UBE2O: variants seen among roughly 807,000 people sequenced by gnomAD.
UBE2O encodes the protein (E3-independent) E2 ubiquitin-conjugating enzyme.
In UBE2O, 15 loss-of-function variants were observed where a neutral mutation model predicts 125.8. The observed-to-expected ratio is 0.12, with a 90% CI of 0.08 to 0.18. The LOEUF (loss-of-function observed/expected upper bound fraction) is 0.18. Among genes scored for constraint, UBE2O ranks in the 10% least tolerant of loss-of-function variants. The pLI is 1.00. For synonymous variants in UBE2O, 708 were observed against 703.2 expected (o/e 1.01, Z -0.11); for missense variants, 1,280 against 1,723.6 (o/e 0.74, Z 4.56).
chr17:76,416,035 ATGTG>A (rs142041683), intron 1 of UBE2O, among the ~76,000 whole-genome samples: 5 of 142,648 alleles, frequency 3.5e-5, no homozygotes, highest in African/African-American at 7.9e-5. Flanking sequence ...ACACGTATAT[ATGTG>A]TGTGTACATA....
At chr17:76,433,426 A>G (rs2072933991) in intron 1 of UBE2O, among the ~76,000 whole-genome samples, 1 of 148,870 alleles carries the variant, frequency 6.7e-6, no homozygotes, top group Non-Finnish European at 1.5e-5. Flanking sequence ...AGGAGTTGGG[A>G]GGGGTGCAGG....
rs536258136 is a variant in UBE2O at position 76,444,868 on chromosome 17, CAT to C, written c.417+7855_417+7856del. Among the ~76,000 whole-genome samples, 77 of 152,314 alleles carry C rather than the reference CAT, an allele frequency of 5.1e-4. No individual in the cohort carries two copies. The Middle Eastern group carries it at 0.01, about 20-fold the overall frequency. ...GAATACCGGGATGCTTTCAGCACTG[CAT>C]ATGTCAAGCCCTGAGGCTCCCAGAA... On this transcript the variant is annotated intron_variant, in intron 1 of 17. Coordinates refer to ENST00000319380, the MANE Select transcript of UBE2O (RefSeq NM_022066.4).
chr17:76,443,692 T>C (rs574248052), intron 1 of UBE2O, among the ~76,000 whole-genome samples: 35 of 152,064 alleles, frequency 2.3e-4, no homozygotes, highest in African/African-American at 7.0e-4. Context: ...AATGGAGCTA[T>C]CAAGTAAGCA....
chr17:76,416,102 C>T (rs143544280), intron 1 of UBE2O, among the ~76,000 whole-genome samples: 72 of 149,504 alleles, frequency 4.8e-4, no homozygotes, highest in Middle Eastern at 3.5e-3. Context: ...CATGTATATG[C>T]GTATGTGTAT....
intron 1 of UBE2O, among the ~76,000 whole-genome samples, chr17:76,424,794 G>A (rs1175767960): frequency 6.6e-6 from 1 of 151,728 alleles, no homozygotes; most frequent in African/African-American, 2.4e-5. Context: ...CTCCAGCCCG[G>A]GCAACAGAGC....
chr17:76,403,178 A>AAAGGGAGCAGGAAGGAGAAG (rs546709270), intron 3 of UBE2O, among the ~76,000 whole-genome samples: 1,540 of 152,276 alleles, frequency 0.01, 22 homozygotes, highest in Middle Eastern at 0.027. Flanking sequence ...TTACTAACAG[A>AAAGGGAGCAGGAAGGAGAAG]AAGGGAGCAG....
intron 1 of UBE2O, among the ~76,000 whole-genome samples, chr17:76,417,821 G>A (rs72860804): frequency 0.083 from 12,567 of 152,242 alleles, 713 homozygotes; most frequent in Non-Finnish European, 0.12. Context: ...ATCAGCGTCC[G>A]CGAAGAGACG....
At chr17:76,436,256 T>C (rs991017261) in intron 1 of UBE2O, among the ~76,000 whole-genome samples, 5 of 152,008 alleles carry the variant, frequency 3.3e-5, no homozygotes, top group African/African-American at 1.2e-4. Flanking sequence ...CAAAAATTAA[T>C]TAATTTATTA....
chr17:76,411,712 G>T (rs2072519777), intron 1 of UBE2O, among the ~76,000 whole-genome samples: 1 of 152,104 alleles, frequency 6.6e-6, no homozygotes, highest in South Asian at 2.1e-4. Context: ...TTGAGACAGG[G>T]TCTCACTCTG....
intron 1 of UBE2O, among the ~76,000 whole-genome samples, chr17:76,416,047 A>C (rs1022284141): frequency 6.6e-6 from 1 of 151,924 alleles, no homozygotes; most frequent in African/African-American, 2.4e-5. Context: ...GTGTGTGTAC[A>C]TATGTACATA....
At chr17:76,435,399 G>A (rs1040543590) in intron 1 of UBE2O, among the ~76,000 whole-genome samples, 3 of 115,402 alleles carry the variant, frequency 2.6e-5, no homozygotes, top group Non-Finnish European at 5.3e-5. Flanking sequence ...TAAATATACA[G>A]ATACACACAC....
At chr17:76,406,649 C>T (rs2072423735) in intron 1 of UBE2O, among the ~76,000 whole-genome samples, 1 of 149,822 alleles carries the variant, frequency 6.7e-6, no homozygotes, top group African/African-American at 2.5e-5. Context: ...CCACCACCAA[C>T]CAGCAGTGCA....
Position 76,396,253 on chromosome 17 carries a change from T to A in UBE2O, c.2684A>T (p.Gln895Leu), listed in dbSNP as rs780325970. Residue 895 changes from glutamine to leucine, a missense_variant, in exon 14 of 18, where the codon CAG becomes CTG. By Grantham distance (113) the Gln-to-Leu change is moderately radical (BLOSUM62 -2). This residue lies in a region of UBE2O where 116 missense variants were observed against 154.8 expected (regional missense o/e 0.75). Coordinates refer to ENST00000319380, the MANE Select transcript of UBE2O (RefSeq NM_022066.4). The surrounding 1 kb of genome is among the most constrained non-coding windows in gnomAD (Gnocchi z 6.7). ...GGGCCACTCAGCCTTCACAGGTGAC[T>A]GCCCCTCGGGCTTGTCCTCCTTGCG... is the stretch of plus-strand genomic sequence containing the variant. Reference protein sequence around the residue: ...VERKEDKPEGQSPVKAEWPSE... With the variant: ...VERKEDKPEGLSPVKAEWPSE... The A allele has an allele frequency of 9.9e-6, 16 of 1,614,140 alleles. No homozygotes were observed. The highest frequency in any genetic ancestry group is 1.4e-5 in the Non-Finnish European group (16 of 1,180,060).
At position 76,399,385 on chromosome 17, in the gene UBE2O, G is replaced by A; in HGVS notation, c.1628+64C>T. The A allele has an allele frequency of 6.7e-7, 1 of 1,494,888 alleles. No homozygotes were observed. The highest frequency in any genetic ancestry group is 1.4e-5 in the African/African-American group (1 of 72,626). 92.6% of individuals were successfully genotyped at this position (1,494,888 alleles called of 1,614,324 possible). On this transcript the variant is annotated intron_variant, in intron 9 of 17. Transcript: ENST00000319380. The surrounding 1 kb of genome is among the most constrained non-coding windows in gnomAD (Gnocchi z 6.9). ...TGCGAGCGCAGGCACGCACACCGAG[G>A]GGACGCGCACTCTGCCTGGCTTCAC... is the stretch of plus-strand genomic sequence containing the variant.
chr17:76,448,390 C>T (rs2073182835), intron 1 of UBE2O, among the ~76,000 whole-genome samples: 1 of 152,170 alleles, frequency 6.6e-6, no homozygotes, highest in South Asian at 2.1e-4. Context: ...ACAAGTGAGA[C>T]AAACTTCACG....
At position 76,390,734 on chromosome 17, in the gene UBE2O, CCCG is replaced by C. The variant is rs2072093190; in HGVS notation, c.*206_*208del. 8.5e-6 allele frequency: 4 copies of C among 472,242 alleles called. No individual in the cohort carries two copies. In the South Asian group the frequency reaches 1.3e-4, roughly 15 times the overall value. The allele number at this position is 472,242 out of a possible 1,614,324, so 29.3% of individuals were successfully genotyped here. On this transcript the variant is annotated 3_prime_UTR_variant, in exon 18 of 18. Transcript: ENST00000319380. ...TTCCGATTTTCTTTGCCACAGGGGACCCGCCTGTTGAAAGCTCGCTTCAAAATA... is the reference window on the plus strand; with the variant it reads ...TTCCGATTTTCTTTGCCACAGGGGACCCTGTTGAAAGCTCGCTTCAAAATA...
rs138587388 is a variant in UBE2O at position 76,391,485 on chromosome 17, T to A, written c.3337A>T (p.Thr1113Ser). 456 of 1,613,898 alleles carry A rather than the reference T, an allele frequency of 2.8e-4. No homozygotes were observed. The African/African-American group carries it at 5.7e-3, about 20-fold the overall frequency. Residue 1113 changes from threonine (T) to serine (S), a missense_variant, in exon 18 of 18, where the codon ACC becomes TCC. By Grantham distance (58) the Thr-to-Ser change is moderately conservative. This residue lies in a region of UBE2O where 233 missense variants were observed against 279.0 expected (regional missense o/e 0.84). Transcript: ENST00000319380. This position sits in a 1 kb window ranked among gnomAD's most constrained non-coding sequence, Gnocchi z 8.4. The part of the protein sequence containing the change: ...MALIRVVQSM[T>S]QLVRRPPEVF... ...TCGGGGGGCCGCCGCACCAGCTGGG[T>A]CATGGACTGCACCACGCGGATCAGC... is the stretch of plus-strand genomic sequence containing the variant.
At chr17:76,423,835 A>G (rs1330993799) in intron 1 of UBE2O, among the ~76,000 whole-genome samples, 1 of 150,822 alleles carries the variant, frequency 6.6e-6, no homozygotes, top group Non-Finnish European at 1.5e-5. Context: ...GAACCAGAAC[A>G]CAGGAGAGGA....
In UBE2O at chr17:76,405,353, A is replaced by G; in HGVS notation, c.478-37T>C. 1.9e-6 allele frequency: 3 copies of G among 1,573,810 alleles called. No homozygotes were observed. Among genetic ancestry groups the G allele is most frequent in the Non-Finnish European group, 2.6e-6 (3 of 1,148,662 alleles). On this transcript the variant is annotated intron_variant, in intron 2 of 17. Coordinates refer to ENST00000319380, the MANE Select transcript of UBE2O (RefSeq NM_022066.4). The surrounding 1 kb of genome is among the most constrained non-coding windows in gnomAD (Gnocchi z 6.1). ...AGGAGACATGCAAGTCCCGTGGTGC[A>G]GCAGCCCTGGTCACCAGGGGAGACC...
Sources: allele counts gnomAD v4.1 joint callset (sites outside exome capture counted in the v4.1 genomes callset), GRCh38; gene constraint gnomAD v4.1.1; regional missense constraint gnomAD v4.1.1; non-coding constraint Gnocchi (gnomAD v3.1); transcripts MANE v1.5; gene names NCBI Gene and HGNC (gene_info 2026-07-23, HGNC 2026-07-21).